RPS19BP1: variants seen among roughly 807,000 people sequenced by gnomAD.
RPS19BP1 encodes active regulator of SIRT1.
Under a neutral mutation model 16.6 loss-of-function variants are expected in RPS19BP1, and 14 were observed. That is an observed-to-expected ratio of 0.84 (90% confidence interval 0.56 to 1.32). The LOEUF is 1.32. Ranked by LOEUF, RPS19BP1 falls within the 40% of genes most tolerant of loss-of-function variation. The pLI, the probability that RPS19BP1 is intolerant of heterozygous loss-of-function variation, is 0.00. For missense variants in RPS19BP1, 188 were observed against 178.6 expected (o/e 1.05, Z -0.30); for synonymous variants, 90 against 77.3 (o/e 1.16, Z -0.86).
In RPS19BP1 at chr22:39,529,720, C is replaced by G; in HGVS notation, c.280-97G>C. The stretch of plus-strand genomic sequence containing the variant: ...TCGGCGCAGGGCAGGGCTGGCCCAG[C>G]CTCCCACCCTATGCTCAGGGCTGAG... On this transcript the variant is annotated intron_variant, in intron 3 of 3. Transcript: ENST00000334678. 3 of 1,595,070 alleles carry G rather than the reference C, an allele frequency of 1.9e-6. No individual in the cohort carries two copies. The South Asian group carries it at 3.3e-5, about 18-fold the overall frequency.
In RPS19BP1 at chr22:39,529,585, C is replaced by T. The variant is rs1173971706; in HGVS notation, c.318G>A (p.Arg106=). 2 of 1,614,068 alleles carry T rather than the reference C, an allele frequency of 1.2e-6. No homozygotes were observed. Among genetic ancestry groups the T allele is most frequent in the African/African-American group, 2.7e-5 (2 of 74,936 alleles). The stretch of plus-strand genomic sequence containing the variant: ...TCTTCTTCTTGGTCTTGGCCACAGG[C>T]CGGTCACAGGCCTTGCGGCCCCGGT... ...RQNRGRKACD[R]PVAKTKKKKA... is the part of the protein sequence containing the mutation. Residue 106 remains arginine (R), a synonymous_variant, in exon 4 of 4, where the codon CGG becomes CGA. Transcript: ENST00000334678.
intron 2 of RPS19BP1, chr22:39,532,161 C>T (rs1209761034): frequency 5.5e-6 from 3 of 546,940 alleles, no homozygotes; most frequent in South Asian, 2.2e-5. Flanking sequence ...AGCAATGACA[C>T]ACTGGGTTTG....
chr22:39,531,087 CCT>C (rs1931300115), intron 2 of RPS19BP1: 1 of 152,242 alleles, frequency 6.6e-6, no homozygotes, highest in Non-Finnish European at 1.5e-5. Flanking sequence ...GCTTGCCATT[CCT>C]CTCACTCAGC....
At chr22:39,530,363 G>A (rs989993935) in intron 2 of RPS19BP1, 1 of 221,010 alleles carries the variant, frequency 4.5e-6, no homozygotes, top group African/African-American at 2.4e-5. Context: ...CATTTGTCTA[G>A]GTAGAGGGAA....
At position 39,529,601 on chromosome 22, in the gene RPS19BP1, C is replaced by T. The variant is rs769273400; in HGVS notation, c.302G>A (p.Arg101His). 10 of 1,614,110 alleles carry T rather than the reference C, an allele frequency of 6.2e-6. No individual in the cohort carries two copies. The highest frequency in any genetic ancestry group is 1.6e-4 in the Middle Eastern group (1 of 6,062). ...GGCCACAGGCCGGTCACAGGCCTTG[C>T]GGCCCCGGTTCTGGCGCAAAATCTG... ...SQQILRQNRGRKACDRPVAKT... is the reference protein window; with the variant it reads ...SQQILRQNRGHKACDRPVAKT... Residue 101 changes from arginine to histidine, a missense_variant, in exon 4 of 4, where the codon CGC becomes CAC. Coordinates refer to ENST00000334678, the MANE Select transcript of RPS19BP1 (RefSeq NM_194326.4).
chr22:39,530,748 AAAC>A (rs934329945), intron 2 of RPS19BP1: 1 of 155,492 alleles, frequency 6.4e-6, no homozygotes, highest in African/African-American at 2.4e-5. Context: ...AACAAACCAA[AAAC>A]AACAACAAAA....
Position 39,529,630 on chromosome 22 carries a change from A to G in RPS19BP1, c.280-7T>C. 1 of 1,613,668 alleles carries G rather than the reference A, an allele frequency of 6.2e-7. No homozygotes were observed. Among genetic ancestry groups the G allele is most frequent in the Non-Finnish European group, 8.5e-7 (1 of 1,179,992 alleles). On this transcript the variant is annotated splice_region_variant and splice_polypyrimidine_tract_variant and intron_variant, in intron 3 of 3. Transcript: ENST00000334678. ...CCCGGTTCTGGCGCAAAATCTGGCG[A>G]GGGTGCGGGACCGAGGGCCCATCAT...
intron 2 of RPS19BP1, chr22:39,531,923 C>T: frequency 5.8e-6 from 1 of 173,286 alleles, no homozygotes; most frequent in South Asian, 1.1e-4. Context: ...ACTAGGTCAC[C>T]TTTACCAGCC....
intron 3 of RPS19BP1, 76 bp downstream of exon 3, chr22:39,529,744 A>C (rs965331599): frequency 1.9e-6 from 3 of 1,597,342 alleles, no homozygotes; most frequent in Non-Finnish European, 2.6e-6. Flanking sequence ...CTCAGGGCTG[A>C]GACCGCCATG....
Position 39,532,740 on chromosome 22 carries a change from G to A in RPS19BP1, c.-2C>T, listed in dbSNP as rs1288964217. The A allele has an allele frequency of 6.5e-7, 1 of 1,541,370 alleles. No homozygotes were observed. The highest frequency in any genetic ancestry group is 8.7e-7 in the Non-Finnish European group (1 of 1,146,028). ...CCGCCGCAGCAGGGCGGCGGACATG[G>A]CGGCGCTTGGCTCCGCCCACGAGCC... On this transcript the variant is annotated 5_prime_UTR_variant, in exon 1 of 4. Transcript: ENST00000334678.
intron 2 of RPS19BP1, chr22:39,531,655 C>T (rs1931312087): frequency 6.6e-6 from 1 of 152,292 alleles, no homozygotes. Context: ...TAGCCACTGC[C>T]CAGGCCACAG....
rs200895113 is a variant in RPS19BP1 at position 39,529,955 on chromosome 22, C to T, written c.182-38G>A. On this transcript the variant is annotated intron_variant, in intron 2 of 3. Coordinates refer to ENST00000334678, the MANE Select transcript of RPS19BP1 (RefSeq NM_194326.4). The stretch of plus-strand genomic sequence containing the variant: ...GGCAGGGAGCACCATTTCAGATTCA[C>T]TCCCCCTGGAACCATTCTCAGTCCC... The T allele has an allele frequency of 3.2e-4, 492 of 1,535,224 alleles. 4 individuals are homozygous for T. In the African/African-American group the frequency reaches 6.0e-3, roughly 19 times the overall value.
chr22:39,530,453 G>C (rs1181129405), intron 2 of RPS19BP1: 1 of 241,770 alleles, frequency 4.1e-6, no homozygotes, highest in Non-Finnish European at 8.5e-6. Context: ...GCTGGGTGCG[G>C]TGGCTCACAC....
At chr22:39,530,509 A>G in intron 2 of RPS19BP1, 2 of 262,144 alleles carry the variant, frequency 7.6e-6, no homozygotes, top group South Asian at 2.9e-5. Flanking sequence ...AGGTCACCTG[A>G]GGTCAGGAGT....
chr22:39,532,217 G>A (rs559290450), intron 2 of RPS19BP1, 178 bp downstream of exon 2: 6 of 761,612 alleles, frequency 7.9e-6, no homozygotes, highest in South Asian at 5.4e-5. Context: ...AGTCCACGAG[G>A]ACCAGGACGG....
At position 39,532,447 on chromosome 22, in the gene RPS19BP1, C is replaced by T. The variant is rs1237325261; in HGVS notation, c.129G>A (p.Gln43=). The part of the protein sequence containing the change: ...VKRPRKTKAI[Q]AQKLRNSAKG... Reference sequence around the variant, plus strand: ...TGGCCGAGTTCCGCAGTTTCTGGGCCTGAATTGCCTTCGTCTTCCGGGGCC... The same window carrying T: ...TGGCCGAGTTCCGCAGTTTCTGGGCTTGAATTGCCTTCGTCTTCCGGGGCC... The change falls in exon 2 of 4, where the codon CAG becomes CAA. Residue 43 remains glutamine (Q), a synonymous_variant. Coordinates refer to ENST00000334678, the MANE Select transcript of RPS19BP1 (RefSeq NM_194326.4). 6.2e-7 allele frequency: 1 copy of T among 1,614,152 alleles called. No homozygotes were observed. The highest frequency in any genetic ancestry group is 1.3e-5 in the African/African-American group (1 of 74,954).
rs1191336093 is a variant in RPS19BP1, at chr22:39,529,819, C to G, written c.279+1G>C. ...CCCTTCCTATAGTACCCTCGACCAA[C>G]CTGCTGGCTCACAGACTCAGCCACG... is the stretch of plus-strand genomic sequence containing the variant. On this transcript the variant is annotated splice_donor_variant, in intron 3 of 3. Coordinates refer to ENST00000334678, the MANE Select transcript of RPS19BP1 (RefSeq NM_194326.4). LOFTEE classifies it high-confidence loss of function. 2 of 1,613,872 alleles carry G rather than the reference C, an allele frequency of 1.2e-6. No homozygotes were observed. Among genetic ancestry groups the G allele is most frequent in the Admixed American group, 3.3e-5 (2 of 60,006 alleles).
In RPS19BP1 at chr22:39,532,406, T is replaced by C; in HGVS notation, c.170A>G (p.Lys57Arg). 1 of 1,614,244 alleles carries C rather than the reference T, an allele frequency of 6.2e-7. No homozygotes were observed. Among genetic ancestry groups the C allele is most frequent in the Non-Finnish European group, 8.5e-7 (1 of 1,180,042 alleles). Residue 57 changes from lysine (K) to arginine (R), a missense_variant, in exon 2 of 4, where the codon AAG (lysine) becomes AGG (arginine). By Grantham distance (26) the Lys-to-Arg change is conservative (BLOSUM62 2). Transcript: ENST00000334678. ...CTTCCCGAACTTACCCAGTGCCGAC[T>C]TGGGCACCTTTCCCTTGGCCGAGTT... ...LRNSAKGKVPKSALDEYRKRE... is the reference protein window; with the variant it reads ...LRNSAKGKVPRSALDEYRKRE...
At position 39,529,837 on chromosome 22, in the gene RPS19BP1, C is replaced by G; in HGVS notation, c.262G>C (p.Glu88Gln). ...CGACCAACCTGCTGGCTCACAGACTCAGCCACGGTGCTTCTCGTCCTGGTC... is the reference window on the plus strand; with the variant it reads ...CGACCAACCTGCTGGCTCACAGACTGAGCCACGGTGCTTCTCGTCCTGGTC... The part of the protein sequence containing the change: ...FLTRTRSTVA[E>Q]SVSQQILRQN... The change falls in exon 3 of 4, where the codon GAG becomes CAG. Residue 88 changes from glutamate to glutamine, a missense_variant. By Grantham distance (29) the Glu-to-Gln change is conservative (BLOSUM62 2). Transcript: ENST00000334678. The G allele has an allele frequency of 6.2e-7, 1 of 1,614,192 alleles. No individual in the cohort carries two copies. Among genetic ancestry groups the G allele is most frequent in the Non-Finnish European group, 8.5e-7 (1 of 1,180,006 alleles).
Sources: gnomAD v4.1 joint callset for allele counts on GRCh38, gnomAD v4.1.1 for gene constraint, MANE v1.5 for transcripts, NCBI Gene and HGNC (gene_info 2026-07-23, HGNC 2026-07-21) for gene names.